PCLO: variants seen among roughly 807,000 people sequenced by gnomAD.
PCLO encodes piccolo presynaptic cytomatrix protein, also known as protein piccolo.
PCLO carries 82 observed loss-of-function variants against 427.5 expected under a neutral mutation model. That is an observed-to-expected ratio of 0.19 (90% CI 0.16 to 0.23). PCLO has a LOEUF of 0.23. PCLO is among the 10% of genes least tolerant of loss of function. The pLI, the probability that PCLO is intolerant of heterozygous loss-of-function variation, is 1.00. For missense variants in PCLO, 6,239 were observed against 6,115.9 expected (o/e 1.02, Z -0.67); for synonymous variants, 2,357 against 2,155.4 (o/e 1.09, Z -2.59).
At chr7:82,960,636 T>C (rs1035819646) in intron 4 of PCLO, among the ~76,000 whole-genome samples, 1 of 152,196 alleles carries the variant, frequency 6.6e-6, no homozygotes, top group Non-Finnish European at 1.5e-5. Flanking sequence ...AAAATGTGTA[T>C]GTAATTTTCA....
At chr7:82,930,630 C>A (rs978069817) in intron 6 of PCLO, among the ~76,000 whole-genome samples, 18 of 152,064 alleles carry the variant, frequency 1.2e-4, no homozygotes, top group African/African-American at 4.3e-4. Context: ...ACTCTGATTT[C>A]TTTGGTAGAT....
chr7:82,783,231 T>C (rs918852489), intron 22 of PCLO, among the ~76,000 whole-genome samples: 10 of 152,332 alleles, frequency 6.6e-5, no homozygotes, highest in African/African-American at 2.2e-4. Context: ...AAACATTCTT[T>C]GGTTTTGAGT....
chr7:83,038,073 T>A (rs376219048), intron 3 of PCLO, among the ~76,000 whole-genome samples: 501 of 46,116 alleles, frequency 0.011, 24 homozygotes, highest in Non-Finnish European at 0.016. Context: ...ATTTATATAT[T>A]TATATATATA....
chr7:83,105,538 T>G (rs1790833010), intron 3 of PCLO, among the ~76,000 whole-genome samples: 1 of 146,198 alleles, frequency 6.8e-6, no homozygotes, highest in South Asian at 2.2e-4. Context: ...CTAAGCATCT[T>G]TCATGGCTGT....
intron 3 of PCLO, among the ~76,000 whole-genome samples, chr7:83,061,037 G>A (rs1789531181): frequency 6.6e-6 from 1 of 152,162 alleles, no homozygotes; most frequent in African/African-American, 2.4e-5. Context: ...TATGGGTTGT[G>A]TATTAGTTTC....
intron 3 of PCLO, among the ~76,000 whole-genome samples, chr7:83,059,766 A>G (rs1789497399): frequency 6.6e-6 from 1 of 152,126 alleles, no homozygotes; most frequent in Non-Finnish European, 1.5e-5. Context: ...TCAGTGAAGG[A>G]GAGAGCAACC....
chr7:82,858,778 A>G (rs1792874595), intron 10 of PCLO, among the ~76,000 whole-genome samples: 1 of 152,168 alleles, frequency 6.6e-6, no homozygotes, highest in Admixed American at 6.6e-5. Flanking sequence ...AAATCTATGC[A>G]CTGAAAATGA....
chr7:83,031,728 CT>C (rs1788671179), intron 3 of PCLO, among the ~76,000 whole-genome samples: 2 of 151,592 alleles, frequency 1.3e-5, no homozygotes, highest in Non-Finnish European at 2.9e-5. Flanking sequence ...CTCTCTCTCT[CT>C]CTCTCCCTCC....
At chr7:82,814,897 GA>G (rs1213868047) in intron 20 of PCLO, among the ~76,000 whole-genome samples, 1 of 152,012 alleles carries the variant, frequency 6.6e-6, no homozygotes, top group Non-Finnish European at 1.5e-5. Context: ...CACAGTCATG[GA>G]AATGAAGTAC....
At chr7:83,067,552 C>T (rs1157132163) in intron 3 of PCLO, among the ~76,000 whole-genome samples, 1 of 152,160 alleles carries the variant, frequency 6.6e-6, no homozygotes, top group African/African-American at 2.4e-5. Context: ...AATCCCCTGG[C>T]TGAAGCCACA....
chr7:82,899,068 A>G (rs1466585267), intron 9 of PCLO, among the ~76,000 whole-genome samples: 2 of 151,464 alleles, frequency 1.3e-5, no homozygotes, highest in Admixed American at 6.6e-5. Context: ...CATAAGCACT[A>G]TCTCATGTAG....
At position 83,155,042 on chromosome 7, in the gene PCLO, C is replaced by A. The variant is rs373513264; in HGVS notation, c.1599G>T (p.Gln533His). 4 of 1,612,748 alleles carry A rather than the reference C, an allele frequency of 2.5e-6. No homozygotes were observed. In the Admixed American group the frequency reaches 6.7e-5, roughly 27 times the overall value. Residue 533 changes from glutamine (Q) to histidine (H), a missense_variant, in exon 2 of 25, where the codon CAG (glutamine) becomes CAT (histidine). By Grantham distance (24) the Gln-to-His change is conservative. Around this residue, in one of 5 missense-constraint regions of PCLO, gnomAD observed 4,677 missense variants for 4,468.4 expected, o/e 1.05. Transcript: ENST00000333891. The stretch of plus-strand genomic sequence containing the variant: ...GAGCTGAGGGTTTTGCTGAGCCAGG[C>A]TGTTGAGATGGGGGTTTTGTTGAGC... ...QPGSTKPPSQQPGSAKPSAQQ... is the reference protein window; with the variant it reads ...QPGSTKPPSQHPGSAKPSAQQ...
chr7:82,918,479 A>G (rs951963077), intron 6 of PCLO, among the ~76,000 whole-genome samples: 1 of 152,038 alleles, frequency 6.6e-6, no homozygotes, highest in Non-Finnish European at 1.5e-5. Context: ...GTACACATGT[A>G]ACATGTTGAA....
At chr7:82,922,348 C>T (rs1376379954) in intron 6 of PCLO, among the ~76,000 whole-genome samples, 1 of 151,912 alleles carries the variant, frequency 6.6e-6, no homozygotes, top group Non-Finnish European at 1.5e-5. Flanking sequence ...AGATGTCCAT[C>T]AATGGTAGAC....
At chr7:83,076,025 A>G (rs1554392136) in intron 3 of PCLO, among the ~76,000 whole-genome samples, 2 of 148,970 alleles carry the variant, frequency 1.3e-5, no homozygotes, top group Non-Finnish European at 3.0e-5. Context: ...AGAATGAATT[A>G]AAAATTGATG....
intron 20 of PCLO, among the ~76,000 whole-genome samples, chr7:82,819,234 C>T (rs953950977): frequency 2.6e-5 from 4 of 151,872 alleles, no homozygotes; most frequent in African/African-American, 9.7e-5. Flanking sequence ...ATCTAGTTTT[C>T]CTTTCAATTA....
At chr7:83,062,213 A>T (rs910124835) in intron 3 of PCLO, among the ~76,000 whole-genome samples, 1 of 152,158 alleles carries the variant, frequency 6.6e-6, no homozygotes, top group Non-Finnish European at 1.5e-5. Flanking sequence ...ATCTGAACTC[A>T]AGGTTCTCAC....
intron 9 of PCLO, among the ~76,000 whole-genome samples, chr7:82,896,593 G>A (rs1479788517): frequency 6.6e-6 from 1 of 151,576 alleles, no homozygotes; most frequent in Non-Finnish European, 1.5e-5. Context: ...GTCCATAAAT[G>A]TATTAAAGTC....
chr7:82,765,074 A>T (rs1790506400), intron 22 of PCLO, among the ~76,000 whole-genome samples: 1 of 151,950 alleles, frequency 6.6e-6, no homozygotes, highest in African/African-American at 2.4e-5. Context: ...TTATCAAATT[A>T]TGTGATAATA....
Sources: gnomAD v4.1 joint callset for allele counts (sites outside exome capture counted in the v4.1 genomes callset) on GRCh38, gnomAD v4.1.1 for gene constraint, gnomAD v4.1.1 regional missense constraint, MANE v1.5 for transcripts, NCBI Gene and HGNC (gene_info 2026-07-23, HGNC 2026-07-21) for gene names.